SUPT3H: variants seen among roughly 807,000 people sequenced by gnomAD.
SUPT3H encodes the protein transcription initiation protein SPT3 homolog.
A neutral mutation model predicts 44.3 loss-of-function variants in SUPT3H; 44 were observed. The ratio of observed to expected loss-of-function variants is 0.99; its 90% CI spans 0.78 to 1.28. The LOEUF (loss-of-function observed/expected upper bound fraction) is 1.28. SUPT3H is among the 50% of genes most tolerant of loss of function. The probability of loss-of-function intolerance (pLI) is 0.00; values close to 1 mark genes in which losing one functional copy is unlikely to be tolerated. For missense variants in SUPT3H, 380 were observed against 387.1 expected, an observed-to-expected ratio of 0.98 and a Z score of 0.15; for synonymous variants, 124 against 125.6, an observed-to-expected ratio of 0.99 and a Z score of 0.09.
At chr6:45,055,043 A>C (rs1790897264) in intron 3 of SUPT3H, among the ~76,000 whole-genome samples, 1 of 151,558 alleles carries the variant, frequency 6.6e-6, no homozygotes, top group Admixed American at 6.5e-5. Flanking sequence ...AAATTTAGAA[A>C]AAAACTTGAG....
At chr6:45,338,531 A>G (rs1789095044) in intron 2 of SUPT3H, among the ~76,000 whole-genome samples, 1 of 152,118 alleles carries the variant, frequency 6.6e-6, no homozygotes, top group Non-Finnish European at 1.5e-5. Context: ...GGTAGCTGCC[A>G]GTAGGTAAAA....
chr6:45,050,540 C>A (rs1057149757), intron 3 of SUPT3H, among the ~76,000 whole-genome samples: 6 of 151,894 alleles, frequency 4.0e-5, no homozygotes, highest in Non-Finnish European at 7.4e-5. Context: ...ATCATTTGAA[C>A]CTATAAATTA....
Position 44,826,752 on chromosome 6 carries a change from T to G in SUPT3H, c.*3064A>C, listed in dbSNP as rs1216025425. Among the ~76,000 whole-genome samples, 11 of 152,158 alleles carry G rather than the reference T, an allele frequency of 7.2e-5. 1 individual carries two copies. The highest frequency in any genetic ancestry group is 4.4e-5 in the Non-Finnish European group (3 of 68,028). On this transcript the variant is annotated 3_prime_UTR_variant, in exon 11 of 11. Transcript: ENST00000371459. ...TTTCTTTCAGACCAAGAATCACCAG[T>G]TATGTTTATTTGTCTTCTACATGGT...
chr6:45,304,832 C>T (rs1782735096), intron 2 of SUPT3H, among the ~76,000 whole-genome samples: 2 of 152,048 alleles, frequency 1.3e-5, no homozygotes, highest in Admixed American at 1.3e-4. Context: ...CACCAATGGC[C>T]ATCATCAGTC....
intron 2 of SUPT3H, among the ~76,000 whole-genome samples, chr6:45,120,155 C>A (rs1467891229): frequency 1.3e-5 from 2 of 151,436 alleles, no homozygotes; most frequent in Non-Finnish European, 2.9e-5. Context: ...AGTCTGACTG[C>A]AAACTAAAAA....
chr6:45,107,070 G>T (rs1174838044), intron 2 of SUPT3H, among the ~76,000 whole-genome samples: 1 of 152,126 alleles, frequency 6.6e-6, no homozygotes, highest in Non-Finnish European at 1.5e-5. Flanking sequence ...TTCAAGAATG[G>T]ATTAAAAAGG....
At position 45,113,405 on chromosome 6, in the gene SUPT3H, C is replaced by A. The variant is rs530269657; in HGVS notation, c.102-7399G>T. ...TTTAATGCAATTGGAAAGTTATAAA[C>A]ACTACAAATTAGCCTTGCTCTTCAA... On this transcript the variant is annotated intron_variant, in intron 2 of 10. Coordinates refer to ENST00000371459, the MANE Select transcript of SUPT3H (RefSeq NM_003599.4). 2.0e-3 allele frequency among the ~76,000 whole-genome samples: 307 copies of A among 152,322 alleles called. 1 individual carries two copies. Among genetic ancestry groups the A allele is most frequent in the African/African-American group, 6.8e-3 (282 of 41,564 alleles).
rs375985701 is a variant in SUPT3H at position 44,844,186 on chromosome 6, A to G, written c.913-14329T>C. On this transcript the variant is annotated intron_variant, in intron 10 of 10. Transcript: ENST00000371459. ...ATATATGATGCTGGAACAATTGGAC[A>G]TCCATATGCAAAAAAGTGAACCTCG... Among the ~76,000 whole-genome samples the G allele has an allele frequency of 1.1e-4, 17 of 152,280 alleles. No homozygotes were observed. The South Asian group carries it at 3.3e-3, about 30-fold the overall frequency.
chr6:45,048,974 A>G (rs1203364297), intron 3 of SUPT3H, among the ~76,000 whole-genome samples: 1 of 152,194 alleles, frequency 6.6e-6, no homozygotes, highest in Non-Finnish European at 1.5e-5. Context: ...AGAACTGTAC[A>G]GCATAGTGAC....
chr6:44,918,220 C>G (rs1394117035), intron 10 of SUPT3H, among the ~76,000 whole-genome samples: 1 of 152,162 alleles, frequency 6.6e-6, no homozygotes, highest in Non-Finnish European at 1.5e-5. Flanking sequence ...CATCATGAAA[C>G]TCACAAGTTA....
chr6:45,263,178 G>A (rs914517414), intron 2 of SUPT3H, among the ~76,000 whole-genome samples: 2 of 152,086 alleles, frequency 1.3e-5, no homozygotes, highest in African/African-American at 4.8e-5. Flanking sequence ...ATAGACACTG[G>A]CACACATATG....
At chr6:45,212,091 G>A (rs1259047253) in intron 2 of SUPT3H, among the ~76,000 whole-genome samples, 1 of 151,634 alleles carries the variant, frequency 6.6e-6, no homozygotes, top group East Asian at 1.9e-4. Context: ...CCTTGAACCC[G>A]GGAGGCAGAG....
At position 44,953,975 on chromosome 6, in the gene SUPT3H, T is replaced by C. The variant is rs1176805943; in HGVS notation, c.693+520A>G. Among the ~76,000 whole-genome samples, 14 of 152,130 alleles carry C rather than the reference T, an allele frequency of 9.2e-5. No individual in the cohort carries two copies. In the South Asian group the frequency reaches 2.7e-3, roughly 29 times the overall value. ...CTGGTCTTGAACTCCTGACTGCAGG[T>C]GATCCACCCACCTCGGCCTCCCAAA... On this transcript the variant is annotated intron_variant, in intron 8 of 10. Transcript: ENST00000371459.
intron 5 of SUPT3H, among the ~76,000 whole-genome samples, chr6:45,006,621 A>C (rs1782759715): frequency 6.6e-6 from 1 of 152,044 alleles, no homozygotes; most frequent in African/African-American, 2.4e-5. Context: ...TTTCCCAATC[A>C]AGTAACTTTT....
chr6:44,908,711 T>C (rs757756953), intron 10 of SUPT3H, among the ~76,000 whole-genome samples: 38 of 152,238 alleles, frequency 2.5e-4, no homozygotes, highest in South Asian at 8.3e-4. Flanking sequence ...CCTAGCACTA[T>C]GCAAAGAACT....
intron 3 of SUPT3H, among the ~76,000 whole-genome samples, chr6:45,035,044 C>G (rs945216283): frequency 6.6e-6 from 1 of 152,140 alleles, no homozygotes; most frequent in Non-Finnish European, 1.5e-5. Context: ...AGGACTTACA[C>G]AGAATTAGTT....
Position 45,344,323 on chromosome 6 carries a change from T to C in SUPT3H, c.101+20878A>G, listed in dbSNP as rs146684371. ...ATTTATACTTGGCCTAAACTTCCCCTTGTCTGTATACTTATTTTTGCTCTC... is the reference window on the plus strand; with the variant it reads ...ATTTATACTTGGCCTAAACTTCCCCCTGTCTGTATACTTATTTTTGCTCTC... On this transcript the variant is annotated intron_variant, in intron 2 of 10. Coordinates refer to ENST00000371459, the MANE Select transcript of SUPT3H (RefSeq NM_003599.4). Among the ~76,000 whole-genome samples the C allele has an allele frequency of 2.2e-4, 33 of 152,302 alleles. 1 individual carries two copies. The highest frequency in any genetic ancestry group is 7.5e-4 in the African/African-American group (31 of 41,582).
intron 10 of SUPT3H, among the ~76,000 whole-genome samples, chr6:44,878,792 G>A (rs550202184): frequency 3.9e-5 from 6 of 152,208 alleles, no homozygotes; most frequent in African/African-American, 1.4e-4. Flanking sequence ...AAGCAGGGTG[G>A]GGCGTTCCCT....
intron 9 of SUPT3H, among the ~76,000 whole-genome samples, chr6:44,944,723 C>T (rs906287636): frequency 7.8e-6 from 1 of 128,186 alleles, no homozygotes; most frequent in Admixed American, 8.9e-5. Flanking sequence ...GATCATGCTA[C>T]TGTACTCCAG....
Sources: gnomAD v4.1 joint callset for allele counts (sites outside exome capture counted in the v4.1 genomes callset) on GRCh38, gnomAD v4.1.1 for gene constraint, MANE v1.5 for transcripts, NCBI Gene and HGNC (gene_info 2026-07-23, HGNC 2026-07-21) for gene names.